SPHKAP: variants seen among roughly 807,000 people sequenced by gnomAD.
The protein encoded by SPHKAP is A-kinase anchor protein SPHKAP.
Under a neutral mutation model 137.5 loss-of-function variants are expected in SPHKAP, and 67 were observed. The ratio of observed to expected loss-of-function variants is 0.49; its 90% CI spans 0.40 to 0.60. SPHKAP has a LOEUF of 0.60. Ranked by LOEUF, SPHKAP falls within the 20% of genes least tolerant of loss-of-function variation. SPHKAP has a pLI of 0.00. For synonymous variants in SPHKAP, 813 were observed against 785.3 expected (o/e 1.04, Z -0.59); for missense variants, 2,097 against 2,069.3 (o/e 1.01, Z -0.26).
At chr2:228,015,934 G>T (rs1200647075) in intron 7 of SPHKAP, among the ~76,000 whole-genome samples, 1 of 152,050 alleles carries the variant, frequency 6.6e-6, no homozygotes, top group Admixed American at 6.6e-5. Flanking sequence ...TGAATAAGTT[G>T]CATCATTTAT....
chr2:227,982,485 G>A (rs780659619), intron 11 of SPHKAP: 8 of 446,256 alleles, frequency 1.8e-5, no homozygotes, highest in Non-Finnish European at 2.1e-5. Context: ...ACAGCCTAGA[G>A]AGAAAGTCTG....
chr2:228,175,085 A>G (rs1196561231), intron 1 of SPHKAP, among the ~76,000 whole-genome samples: 2 of 151,880 alleles, frequency 1.3e-5, no homozygotes, highest in African/African-American at 4.8e-5. Context: ...GCTGTATTCT[A>G]ATATATATGC....
intron 1 of SPHKAP, among the ~76,000 whole-genome samples, chr2:228,138,342 C>G (rs767662420): frequency 2.0e-5 from 3 of 152,190 alleles, no homozygotes; most frequent in African/African-American, 4.8e-5. Context: ...ACCGACAGCT[C>G]TCACTCCTGC....
Position 228,181,642 on chromosome 2 carries a change from A to G in SPHKAP, c.-44T>C. ...GAAGAAAGACGGAAAGTGCAGGCGA[A>G]GGATAAGTCTGTGGTGCTAGGACCC... On this transcript the variant is annotated 5_prime_UTR_variant, in exon 1 of 12. Coordinates refer to ENST00000392056, the MANE Select transcript of SPHKAP (RefSeq NM_001142644.2). The surrounding 1 kb of genome is among the most constrained non-coding windows in gnomAD (Gnocchi z 4.3). 6.2e-7 allele frequency: 1 copy of G among 1,614,072 alleles called. No homozygotes were observed. The highest frequency in any genetic ancestry group is 1.1e-5 in the South Asian group (1 of 91,072).
chr2:228,058,269 C>A (rs1049507872), intron 3 of SPHKAP, among the ~76,000 whole-genome samples: 2 of 152,192 alleles, frequency 1.3e-5, no homozygotes, highest in Non-Finnish European at 2.9e-5. Context: ...TTAGCAAAGT[C>A]ACTCTGCATG....
intron 11 of SPHKAP, among the ~76,000 whole-genome samples, chr2:227,989,048 G>A (rs560889573): frequency 7.9e-5 from 12 of 152,088 alleles, no homozygotes; most frequent in Non-Finnish European, 1.6e-4. Context: ...TCCTGTAGTC[G>A]ATCCCATGGA....
chr2:228,070,938 G>C (rs1389210933), intron 3 of SPHKAP, among the ~76,000 whole-genome samples: 1 of 152,098 alleles, frequency 6.6e-6, no homozygotes, highest in Non-Finnish European at 1.5e-5. Flanking sequence ...TGAACTCATG[G>C]GGTTCTGGGT....
chr2:228,087,188 C>T (rs917270719), intron 3 of SPHKAP, among the ~76,000 whole-genome samples: 1 of 152,110 alleles, frequency 6.6e-6, no homozygotes, highest in Non-Finnish European at 1.5e-5. Context: ...GCTATGTCCT[C>T]TGAGGAATGA....
At chr2:228,115,171 C>T (rs146962313) in intron 2 of SPHKAP, among the ~76,000 whole-genome samples, 182 of 152,176 alleles carry the variant, frequency 1.2e-3, no homozygotes, top group Admixed American at 4.1e-3. Flanking sequence ...AATCATTTTC[C>T]TTATCTCCTT....
chr2:228,060,279 C>A (rs1696591077), intron 3 of SPHKAP, among the ~76,000 whole-genome samples: 1 of 152,046 alleles, frequency 6.6e-6, no homozygotes, highest in Non-Finnish European at 1.5e-5. Context: ...AAACATAAAG[C>A]AAAAACAGCA....
At chr2:228,005,346 C>T (rs1398490692) in intron 7 of SPHKAP, among the ~76,000 whole-genome samples, 2 of 152,134 alleles carry the variant, frequency 1.3e-5, no homozygotes, top group Non-Finnish European at 2.9e-5. Context: ...GGTTTAAAGT[C>T]TGTTTTATCA....
Position 228,181,541 on chromosome 2 carries a change from T to C in SPHKAP, c.32+26A>G. ...GAACGGAGTTTGATCGACATGGTAT[T>C]GGGCATAGAAAGAAGCGGGTCTTAC... On this transcript the variant is annotated intron_variant, in intron 1 of 11. Coordinates refer to ENST00000392056, the MANE Select transcript of SPHKAP (RefSeq NM_001142644.2). The surrounding 1 kb of genome is among the most constrained non-coding windows in gnomAD (Gnocchi z 4.3). 5 of 1,614,108 alleles carry C rather than the reference T, an allele frequency of 3.1e-6. No individual in the cohort carries two copies. Among genetic ancestry groups the C allele is most frequent in the Non-Finnish European group, 4.2e-6 (5 of 1,180,020 alleles).
chr2:228,116,930 T>G (rs900893386), intron 2 of SPHKAP, among the ~76,000 whole-genome samples: 1 of 152,156 alleles, frequency 6.6e-6, no homozygotes, highest in African/African-American at 2.4e-5. Flanking sequence ...TGCACACATT[T>G]TTTTCATATC....
intron 3 of SPHKAP, among the ~76,000 whole-genome samples, chr2:228,034,595 C>A (rs1349646293): frequency 6.6e-6 from 1 of 152,124 alleles, no homozygotes; most frequent in Non-Finnish European, 1.5e-5. Flanking sequence ...AATTTTAGAC[C>A]AATATCCTTG....
intron 3 of SPHKAP, among the ~76,000 whole-genome samples, chr2:228,049,349 T>A (rs950598610): frequency 6.6e-6 from 1 of 152,224 alleles, no homozygotes; most frequent in Non-Finnish European, 1.5e-5. Context: ...ATGAAAAATA[T>A]CTGCCTTCTG....
chr2:227,999,232 A>G (rs1693754493), intron 7 of SPHKAP, among the ~76,000 whole-genome samples: 1 of 152,124 alleles, frequency 6.6e-6, no homozygotes, highest in Admixed American at 6.5e-5. Flanking sequence ...AGGTGTGGTT[A>G]TTTCCAGTAT....
At chr2:227,995,744 A>T (rs370672171) in intron 7 of SPHKAP, 50 bp from the exon 8 acceptor site, 6 of 1,480,154 alleles carry the variant, frequency 4.1e-6, no homozygotes, top group African/African-American at 1.4e-5. Flanking sequence ...ACACACACAC[A>T]CACAGAAACT....
chr2:228,038,119 GACAA>G (rs529323063), intron 3 of SPHKAP, among the ~76,000 whole-genome samples: 14 of 152,182 alleles, frequency 9.2e-5, no homozygotes, highest in Non-Finnish European at 2.1e-4. Flanking sequence ...GTGCTGAGAA[GACAA>G]ACAATACAAG....
intron 3 of SPHKAP, among the ~76,000 whole-genome samples, chr2:228,029,531 G>A (rs1201476350): frequency 6.6e-6 from 1 of 152,068 alleles, no homozygotes; most frequent in African/African-American, 2.4e-5. Flanking sequence ...TAACTTGATG[G>A]GCATTAGGGG....
Sources: allele counts gnomAD v4.1 joint callset (sites outside exome capture counted in the v4.1 genomes callset), GRCh38; gene constraint gnomAD v4.1.1; non-coding constraint Gnocchi (gnomAD v3.1); transcripts MANE v1.5; gene names NCBI Gene and HGNC (gene_info 2026-07-23, HGNC 2026-07-21).